The following PCDHGA9 variants were observed in gnomAD, a reference collection of about 807,000 sequenced individuals.
PCDHGA9 encodes protocadherin gamma subfamily A, 9.
In PCDHGA9, 37 loss-of-function variants were observed where a neutral mutation model predicts 62.5. The observed-to-expected ratio is 0.59, with a 90% CI of 0.46 to 0.78. The LOEUF (loss-of-function observed/expected upper bound fraction) is 0.78, where lower values mean the gene tolerates loss of function less well. Ranked by LOEUF, PCDHGA9 falls within the 30% of genes least tolerant of loss-of-function variation. The pLI is 0.00. For synonymous variants in PCDHGA9, 459 were observed against 484.6 expected, an observed-to-expected ratio of 0.95 and a Z score of 0.69; for missense variants, 1,138 against 1,166.2, an observed-to-expected ratio of 0.98 and a Z score of 0.35.
At chr5:141,417,452 C>A in intron 1 of PCDHGA9, 1 of 173,536 alleles carries the variant, frequency 5.8e-6, no homozygotes, top group Non-Finnish European at 1.2e-5. Flanking sequence ...ATAGTTATGA[C>A]CAAGTGGAAA....
In PCDHGA9 at chr5:141,430,592, C is replaced by G; in HGVS notation, c.2424+25216C>G. The G allele has an allele frequency of 9.2e-6, 5 of 544,570 alleles. No individual in the cohort carries two copies. In the South Asian group the frequency reaches 3.1e-4, roughly 34 times the overall value. The allele number at this position is 544,570 out of a possible 1,614,324, so 33.7% of individuals were successfully genotyped here. ...AAGCGGAGATCCTGCTCGCCTTGCACGCGCCTGAAGCACAAAGCAGATAGC... is the reference window on the plus strand; with the variant it reads ...AAGCGGAGATCCTGCTCGCCTTGCAGGCGCCTGAAGCACAAAGCAGATAGC... On this transcript the variant is annotated intron_variant, in intron 1 of 3. Coordinates refer to ENST00000573521, the MANE Select transcript of PCDHGA9 (RefSeq NM_018921.3).
Position 141,505,350 on chromosome 5 carries a change from G to A in PCDHGA9, c.2484-43G>A, listed in dbSNP as rs367663588. ...AGAGGACAGGAGGGGCATGAGCTGT[G>A]CCGGCCTGGGAGTCTGTGCTCACCA... On this transcript the variant is annotated intron_variant, in intron 2 of 3. Transcript: ENST00000573521. The A allele has an allele frequency of 4.3e-6, 7 of 1,613,264 alleles. No homozygotes were observed. In the African/African-American group the frequency reaches 6.7e-5, roughly 15 times the overall value.
At chr5:141,423,567 C>T (rs771827702) in intron 1 of PCDHGA9, 4 of 1,613,602 alleles carry the variant, frequency 2.5e-6, no homozygotes, top group Admixed American at 1.7e-5. Flanking sequence ...GGGACACGCT[C>T]ATCAGCCAGG....
Position 141,447,048 on chromosome 5 carries a change from A to G in PCDHGA9, c.2424+41672A>G, listed in dbSNP as rs149112101. Among the ~76,000 whole-genome samples, 216 of 152,182 alleles carry G rather than the reference A, an allele frequency of 1.4e-3. 1 individual carries two copies. Among genetic ancestry groups the G allele is most frequent in the African/African-American group, 4.8e-3 (198 of 41,512 alleles). On this transcript the variant is annotated intron_variant, in intron 1 of 3. Transcript: ENST00000573521. ...GTTTTTTTTCTGTGTCTGGAATTCT[A>G]TTAAAATGTGTCAGGCTGTTTTAAT...
chr5:141,416,178 C>G (rs1392436592), intron 1 of PCDHGA9: 3 of 152,408 alleles, frequency 2.0e-5, no homozygotes, highest in African/African-American at 2.4e-5. Context: ...CTAAGTTTTT[C>G]ATTAATATTG....
Position 141,431,704 on chromosome 5 carries a change from C to T in PCDHGA9, c.2424+26328C>T. On this transcript the variant is annotated intron_variant, in intron 1 of 3. Transcript: ENST00000573521. The surrounding 1 kb of genome is among the most constrained non-coding windows in gnomAD (Gnocchi z 4.8). ...TGGACCACGAGGAGTCAGGATTCTA[C>T]CAGATGGAAGTGCAAGCAATGGATA... 1 of 1,614,194 alleles carries T rather than the reference C, an allele frequency of 6.2e-7. No homozygotes were observed. The highest frequency in any genetic ancestry group is 8.5e-7 in the Non-Finnish European group (1 of 1,180,036).
At chr5:141,407,328 A>G (rs1016529734) in intron 1 of PCDHGA9, among the ~76,000 whole-genome samples, 1 of 152,210 alleles carries the variant, frequency 6.6e-6, no homozygotes, top group Admixed American at 6.5e-5. Flanking sequence ...ATTTATAAAT[A>G]TTGAAATGTA....
intron 1 of PCDHGA9, chr5:141,410,343 G>C: frequency 6.2e-7 from 1 of 1,613,964 alleles, no homozygotes; most frequent in Non-Finnish European, 8.5e-7. Flanking sequence ...ATTGCCTTGC[G>C]CCTGCGACGC....
In PCDHGA9 at chr5:141,485,849, G is replaced by A. The variant is rs777288674; in HGVS notation, c.2425-8958G>A. ...AGGGAACCCGCCGAGATCTGGCACC[G>A]CAGAGCTCCGGGTATCCGTGCTGGA... On this transcript the variant is annotated intron_variant, in intron 1 of 3. Transcript: ENST00000573521. The surrounding 1 kb of genome is among the most constrained non-coding windows in gnomAD (Gnocchi z 5.7). 3 of 1,614,130 alleles carry A rather than the reference G, an allele frequency of 1.9e-6. No individual in the cohort carries two copies. In the South Asian group the frequency reaches 3.3e-5, roughly 18 times the overall value.
At chr5:141,424,120 C>A in intron 1 of PCDHGA9, 2 of 650,838 alleles carry the variant, frequency 3.1e-6, no homozygotes, top group Non-Finnish European at 3.9e-6. Context: ...AAATTTTGAT[C>A]CTGTTGATTT....
intron 1 of PCDHGA9, chr5:141,420,293 A>G: frequency 1.3e-6 from 2 of 1,485,602 alleles, no homozygotes; most frequent in Non-Finnish European, 9.1e-7. Context: ...TTAAAAATGT[A>G]TTTAATCCTT....
chr5:141,422,715 T>C, intron 1 of PCDHGA9: 7 of 1,603,978 alleles, frequency 4.4e-6, no homozygotes, highest in African/African-American at 1.3e-5. Context: ...CGGATGACAC[T>C]GTCCAGGGGG....
intron 2 of PCDHGA9, among the ~76,000 whole-genome samples, chr5:141,501,290 T>TACACACACACACAC (rs55762287): frequency 7.3e-6 from 1 of 136,164 alleles, no homozygotes; most frequent in Non-Finnish European, 1.6e-5. Context: ...TATTCCCTTA[T>TACACACACACACAC]ACACACACAC....
Position 141,490,140 on chromosome 5 carries a change from G to T in PCDHGA9, c.2425-4667G>T. On this transcript the variant is annotated intron_variant, in intron 1 of 3. Transcript: ENST00000573521. This position sits in a 1 kb window ranked among gnomAD's most constrained non-coding sequence, Gnocchi z 5.4. Reference sequence around the variant, plus strand: ...TCTTTGGCCTAGACCCTAGCAGTGGGGCAATCCATGTGTTGGGTCCCATAG... The same window carrying T: ...TCTTTGGCCTAGACCCTAGCAGTGGTGCAATCCATGTGTTGGGTCCCATAG... 1 of 1,614,206 alleles carries T rather than the reference G, an allele frequency of 6.2e-7. No homozygotes were observed. The highest frequency in any genetic ancestry group is 8.5e-7 in the Non-Finnish European group (1 of 1,180,026).
intron 1 of PCDHGA9, chr5:141,468,667 CCATCCTGGCTAA>C (rs2099172391): frequency 6.7e-6 from 1 of 149,836 alleles, no homozygotes; most frequent in African/African-American, 2.5e-5. Flanking sequence ...GAGATCAAGA[CCATCCTGGCTAA>C]CACGGTGAAA....
intron 1 of PCDHGA9, chr5:141,409,924 C>A (rs760490649): frequency 6.2e-7 from 1 of 1,613,416 alleles, no homozygotes; most frequent in Admixed American, 1.7e-5. Flanking sequence ...GCTCCGCGTT[C>A]TTCGATATGG....
intron 1 of PCDHGA9, among the ~76,000 whole-genome samples, chr5:141,435,790 A>G (rs1336963117): frequency 2.0e-5 from 3 of 152,168 alleles, no homozygotes; most frequent in African/African-American, 7.2e-5. Flanking sequence ...GCAGGGAAAC[A>G]TAACGTCCCA....
intron 1 of PCDHGA9, chr5:141,419,630 G>A (rs1484627772): frequency 6.2e-7 from 1 of 1,612,430 alleles, no homozygotes; most frequent in South Asian, 1.1e-5. Context: ...GGTGACCAAG[G>A]TGGTGGCCGT....
intron 1 of PCDHGA9, chr5:141,415,045 G>C: frequency 6.2e-7 from 1 of 1,613,538 alleles, no homozygotes; most frequent in Non-Finnish European, 8.5e-7. Flanking sequence ...CTTCGCGGTG[G>C]GGGAGCACAC....
Sources: allele counts gnomAD v4.1 joint callset (sites outside exome capture counted in the v4.1 genomes callset), GRCh38; gene constraint gnomAD v4.1.1; non-coding constraint Gnocchi (gnomAD v3.1); transcripts MANE v1.5; gene names NCBI Gene and HGNC (gene_info 2026-07-23, HGNC 2026-07-21).